DSP: variants seen among roughly 807,000 people sequenced by gnomAD.
DSP encodes 250/210 kDa paraneoplastic pemphigus antigen.
DSP carries 114 observed loss-of-function variants against 290.6 expected under a neutral mutation model. That is an observed-to-expected ratio of 0.39 (90% confidence interval 0.34 to 0.46). The LOEUF (loss-of-function observed/expected upper bound fraction) is 0.46, where lower values mean the gene tolerates loss of function less well. DSP is among the 20% of genes least tolerant of loss of function. The probability of loss-of-function intolerance (pLI) is 0.99; values close to 1 mark genes in which losing one functional copy is unlikely to be tolerated. For synonymous variants in DSP, 1,311 were observed against 1,316.4 expected, an observed-to-expected ratio of 1.00 and a Z score of 0.09; for missense variants, 3,230 against 3,495.8, an observed-to-expected ratio of 0.92 and a Z score of 1.92.
At chr6:7,575,591 T>C in intron 18 of DSP, 103 bp downstream of exon 18, 1 of 1,440,358 alleles carries the variant, frequency 6.9e-7, no homozygotes, top group Non-Finnish European at 9.6e-7. Context: ...GAGGTTTTGT[T>C]TTTTGTGTAA....
At chr6:7,557,395 G>A (rs1028272239) in intron 2 of DSP, among the ~76,000 whole-genome samples, 2 of 152,144 alleles carry the variant, frequency 1.3e-5, no homozygotes, top group Admixed American at 6.5e-5. Context: ...GAACTAAAAC[G>A]TTGGCCAGGC....
intron 1 of DSP, among the ~76,000 whole-genome samples, chr6:7,549,132 A>G (rs1222533720): frequency 6.7e-6 from 1 of 149,846 alleles, no homozygotes; most frequent in Non-Finnish European, 1.5e-5. Context: ...CAGCTGATGT[A>G]TATAGAGAGT....
At chr6:7,575,589 GT>G (rs1176011403) in intron 18 of DSP, 101 bp downstream of exon 18, 22 of 1,441,130 alleles carry the variant, frequency 1.5e-5, no homozygotes, top group African/African-American at 4.2e-5. Flanking sequence ...CAGAGGTTTT[GT>G]TTTTTGTGTA....
Position 7,571,989 on chromosome 6 carries a change from G to A in DSP, c.2051G>A (p.Gly684Asp). The A allele has an allele frequency of 6.2e-7, 1 of 1,614,164 alleles. No individual in the cohort carries two copies. Among genetic ancestry groups the A allele is most frequent in the South Asian group, 1.1e-5 (1 of 91,088 alleles). The stretch of plus-strand genomic sequence containing the variant: ...CGCAGGCAGATAGAGCACTGCGAGG[G>A]CAGGATGACTCTCAAAAACCTCCCT... Reference protein sequence around the residue: ...KIRRQIEHCEGRMTLKNLPLA... With the variant: ...KIRRQIEHCEDRMTLKNLPLA... Residue 684 changes from glycine (G) to aspartate (D), a missense_variant, in exon 15 of 24, where the codon GGC (glycine) becomes GAC (aspartate). Around this residue, in one of 5 missense-constraint regions of DSP, gnomAD observed 1,714 missense variants for 1,844.5 expected, o/e 0.93. Coordinates refer to ENST00000379802, the MANE Select transcript of DSP (RefSeq NM_004415.4).
At position 7,579,850 on chromosome 6, in the gene DSP, C is replaced by T. The variant is rs777305942; in HGVS notation, c.3660C>T (p.Thr1220=). 1.2e-6 allele frequency: 2 copies of T among 1,613,990 alleles called. No homozygotes were observed. Among genetic ancestry groups the T allele is most frequent in the African/African-American group, 2.7e-5 (2 of 74,914 alleles). The change falls in exon 23 of 24, where the codon ACC becomes ACT. Residue 1220 remains threonine (T), a synonymous_variant. Coordinates refer to ENST00000379802, the MANE Select transcript of DSP (RefSeq NM_004415.4). The surrounding 1 kb of genome is among the most constrained non-coding windows in gnomAD (Gnocchi z 4.1). ...CAGAGATTAACATTACGAAGACCAC[C>T]ATCAAGGAGATATCCATGCAAAAAG... The part of the protein sequence containing the change: ...YETEINITKT[T]IKEISMQKED...
Position 7,585,057 on chromosome 6 carries a change from G to A in DSP, c.7795G>A (p.Val2599Ile), listed in dbSNP as rs1759594471. 1 of 1,614,162 alleles carries A rather than the reference G, an allele frequency of 6.2e-7. No homozygotes were observed. Among genetic ancestry groups the A allele is most frequent in the Non-Finnish European group, 8.5e-7 (1 of 1,180,034 alleles). The change falls in exon 24 of 24, where the codon GTC becomes ATC. Residue 2599 changes from valine to isoleucine, a missense_variant. This residue lies in a region of DSP where 582 missense variants were observed against 555.4 expected (regional missense o/e 1.05). Transcript: ENST00000379802. ...AAGTAAGATTTCCACCATATCCAGC[G>A]TCAGGAATTTAACCATAAGGAGCAG... ...SVSKISTISS[V>I]RNLTIRSSSF...
intron 4 of DSP, among the ~76,000 whole-genome samples, chr6:7,560,601 C>T (rs79695242): frequency 0.017 from 2,522 of 152,258 alleles, 73 homozygotes; most frequent in African/African-American, 0.057. Flanking sequence ...AAGATGCATA[C>T]GCTCAAATGC....
chr6:7,583,934 T>C lies in DSP; in HGVS notation c.6672T>C (p.Asp2224=). The part of the protein sequence containing the change: ...RQPVTVTELV[D]SGILRPSTVN... Reference sequence around the variant, plus strand: ...CTGTGACCGTCACTGAGCTAGTAGATTCTGGTATATTGAGACCGTCCACTG... The same window carrying C: ...CTGTGACCGTCACTGAGCTAGTAGACTCTGGTATATTGAGACCGTCCACTG... The change falls in exon 24 of 24, where the codon GAT becomes GAC. Residue 2224 remains aspartate, a synonymous_variant. Coordinates refer to ENST00000379802, the MANE Select transcript of DSP (RefSeq NM_004415.4). The surrounding 1 kb of genome is among the most constrained non-coding windows in gnomAD (Gnocchi z 4.0). 1 of 1,614,184 alleles carries C rather than the reference T, an allele frequency of 6.2e-7. No individual in the cohort carries two copies. Among genetic ancestry groups the C allele is most frequent in the East Asian group, 2.2e-5 (1 of 44,884 alleles).
chr6:7,573,275 T>G (rs1175035116), intron 15 of DSP, among the ~76,000 whole-genome samples: 1 of 152,052 alleles, frequency 6.6e-6, no homozygotes, highest in East Asian at 1.9e-4. Flanking sequence ...CTATTTACCT[T>G]TAAAAAAGAA....
chr6:7,542,608 C>T (rs1335523832), intron 1 of DSP, among the ~76,000 whole-genome samples: 6 of 152,198 alleles, frequency 3.9e-5, no homozygotes, highest in South Asian at 2.1e-4. Context: ...CTCCTGGACT[C>T]CTCGGCCACC....
chr6:7,559,239 C>G lies in DSP; in HGVS notation c.436C>G (p.Gln146Glu). 6.2e-7 allele frequency: 1 copy of G among 1,613,944 alleles called. No homozygotes were observed. Among genetic ancestry groups the G allele is most frequent in the Non-Finnish European group, 8.5e-7 (1 of 1,180,022 alleles). Residue 146 changes from glutamine to glutamate, a missense_variant, in exon 4 of 24, where the codon CAA becomes GAA. Physicochemically the swap from Gln to Glu is conservative, Grantham distance 29. This residue lies in a region of DSP where 646 missense variants were observed against 684.3 expected (regional missense o/e 0.94). Coordinates refer to ENST00000379802, the MANE Select transcript of DSP (RefSeq NM_004415.4). Reference sequence around the variant, plus strand: ...TTTTCTTTGCAGGCTTCTTCAGCTCCAAGAGCAAATGCGAGCCCTTTATAA... The same window carrying G: ...TTTTCTTTGCAGGCTTCTTCAGCTCGAAGAGCAAATGCGAGCCCTTTATAA... Reference protein sequence around the residue: ...DAYQKRLLQLQEQMRALYKAI... With the variant: ...DAYQKRLLQLEEQMRALYKAI...
Position 7,574,086 on chromosome 6 carries a change from A to C in DSP, c.2131A>C (p.Ser711Arg). 1 of 1,614,086 alleles carries C rather than the reference A, an allele frequency of 6.2e-7. No individual in the cohort carries two copies. The highest frequency in any genetic ancestry group is 8.5e-7 in the Non-Finnish European group (1 of 1,179,970). The change falls in exon 16 of 24, where the codon AGT (serine) becomes CGT (arginine). Residue 711 changes from serine to arginine, a missense_variant and splice_region_variant. This residue lies in a region of DSP where 1,714 missense variants were observed against 1,844.5 expected (regional missense o/e 0.93). Transcript: ENST00000379802. The part of the protein sequence containing the change: ...HITVKINELK[S>R]VQNDSQAIAE... ...AAGAGCTTTCCTTCATTTTTGACAG[A>C]GTGTGCAGAATGATTCACAAGCAAT...
At chr6:7,568,412 A>C in intron 10 of DSP, 25 bp from the exon 11 acceptor site, 1 of 1,613,524 alleles carries the variant, frequency 6.2e-7, no homozygotes, top group South Asian at 1.1e-5. Context: ...TCTATGTTTA[A>C]GTATGATTTT....
chr6:7,576,337 C>G lies in DSP; in HGVS notation c.2674C>G (p.Arg892Gly), dbSNP rs750800025. 4.3e-6 allele frequency: 7 copies of G among 1,614,038 alleles called. No homozygotes were observed. The South Asian group carries it at 5.5e-5, about 13-fold the overall frequency. The change falls in exon 19 of 24, where the codon CGT (arginine) becomes GGT (glycine). Residue 892 changes from arginine to glycine, a missense_variant. Physicochemically the swap from Arg to Gly is moderately radical, Grantham distance 125. Transcript: ENST00000379802. Reference sequence around the variant, plus strand: ...ACAAATCAAGCAATTGAGGAATTATCGTGATAACTATCAGGCTTTCTGCAA... The same window carrying G: ...ACAAATCAAGCAATTGAGGAATTATGGTGATAACTATCAGGCTTTCTGCAA... ...EKQIKQLRNY[R>G]DNYQAFCKWL...
chr6:7,560,625 A>C (rs1224574532), intron 4 of DSP, among the ~76,000 whole-genome samples: 1 of 152,222 alleles, frequency 6.6e-6, no homozygotes, highest in East Asian at 1.9e-4. Flanking sequence ...ATTTCTGTCT[A>C]GATCAGCTAT....
Position 7,579,745 on chromosome 6 carries a change from G to A in DSP, c.3555G>A (p.Lys1185=), listed in dbSNP as rs1319901978. Residue 1185 remains lysine, a synonymous_variant, in exon 23 of 24, where the codon AAG becomes AAA. Transcript: ENST00000379802. The surrounding 1 kb of genome is among the most constrained non-coding windows in gnomAD (Gnocchi z 4.1). Reference sequence around the variant, plus strand: ...TACTGCAGGAAGAAGGCACCCGGAAGAGAGAATATGAAAATGAGCTGGCAA... The same window carrying A: ...TACTGCAGGAAGAAGGCACCCGGAAAAGAGAATATGAAAATGAGCTGGCAA... ...RVLLQEEGTR[K]REYENELAKV... 5 of 1,613,738 alleles carry A rather than the reference G, an allele frequency of 3.1e-6. No homozygotes were observed. The East Asian group carries it at 6.7e-5, about 22-fold the overall frequency.
chr6:7,582,917 A>G lies in DSP; in HGVS notation c.5655A>G (p.Arg1885=), dbSNP rs768996277. 10 of 1,614,144 alleles carry G rather than the reference A, an allele frequency of 6.2e-6. No homozygotes were observed. The highest frequency in any genetic ancestry group is 8.5e-6 in the Non-Finnish European group (10 of 1,180,036). Residue 1885 remains arginine (R), a synonymous_variant, in exon 24 of 24, where the codon AGA becomes AGG. Coordinates refer to ENST00000379802, the MANE Select transcript of DSP (RefSeq NM_004415.4). The surrounding 1 kb of genome is among the most constrained non-coding windows in gnomAD (Gnocchi z 4.2). ...EEAIRKIESE[R]EKSEREKNSL... ...CTATTAGGAAGATAGAATCGGAAAG[A>G]GAAAAGAGTGAGAGAGAGAAGAACA... is the stretch of plus-strand genomic sequence containing the variant.
chr6:7,541,952 A>C lies in DSP; in HGVS notation c.37A>C (p.Thr13Pro). The C allele has an allele frequency of 6.2e-7, 1 of 1,608,660 alleles. No individual in the cohort carries two copies. The highest frequency in any genetic ancestry group is 8.5e-7 in the Non-Finnish European group (1 of 1,178,578). The change falls in exon 1 of 24, where the codon ACT becomes CCT. Residue 13 changes from threonine (T) to proline (P), a missense_variant. By Grantham distance (38) the Thr-to-Pro change is conservative (BLOSUM62 -1). Transcript: ENST00000379802. ...CGGAGGCTCCCACCCGCGGATCAAC[A>C]CTCTGGGCCGCATGATCCGCGCCGA... ...CNGGSHPRIN[T>P]LGRMIRAESG...
At position 7,560,576 on chromosome 6, in the gene DSP, G is replaced by A. The variant is rs114832637; in HGVS notation, c.597+1176G>A. 5.1e-3 allele frequency among the ~76,000 whole-genome samples: 784 copies of A among 152,266 alleles called. 8 individuals carry two copies. Among genetic ancestry groups the A allele is most frequent in the African/African-American group, 0.018 (733 of 41,550 alleles). On this transcript the variant is annotated intron_variant, in intron 4 of 23. Transcript: ENST00000379802. ...ATGGTCCCTAGTCCTGAAAATGAAT[G>A]TTATCGAAGAAAACAAGATGCATAC...
Sources: allele counts gnomAD v4.1 joint callset (sites outside exome capture counted in the v4.1 genomes callset), GRCh38; gene constraint gnomAD v4.1.1; regional missense constraint gnomAD v4.1.1; non-coding constraint Gnocchi (gnomAD v3.1); transcripts MANE v1.5; gene names NCBI Gene and HGNC (gene_info 2026-07-23, HGNC 2026-07-21).